BMPR1A: variants seen among roughly 807,000 people sequenced by gnomAD.
BMPR1A encodes the protein bone morphogenetic protein receptor type 1A, also known as bone morphogenetic protein receptor type-1A.
Under a neutral mutation model 66.0 loss-of-function variants are expected in BMPR1A, and 7 were observed. The ratio of observed to expected loss-of-function variants is 0.11; its 90% CI spans 0.06 to 0.20. The LOEUF is 0.20. Among genes scored for constraint, BMPR1A ranks in the 10% least tolerant of loss-of-function variants. The pLI, the probability that BMPR1A is intolerant of heterozygous loss-of-function variation, is 1.00. For missense variants in BMPR1A, 408 were observed against 669.1 expected, an observed-to-expected ratio of 0.61 and a Z score of 4.31; for synonymous variants, 200 against 229.7, an observed-to-expected ratio of 0.87 and a Z score of 1.17.
chr10:86,756,024 A>G (rs1847852444), upstream of BMPR1A: 1 of 152,314 alleles, frequency 6.6e-6, no homozygotes, highest in African/African-American at 2.4e-5. Flanking sequence ...AACTACCACG[A>G]CCTGGCCATC....
intron 1 of BMPR1A, among the ~76,000 whole-genome samples, chr10:86,821,424 C>T (rs1275780739): frequency 2.6e-5 from 4 of 152,018 alleles, no homozygotes; most frequent in African/African-American, 7.3e-5. Flanking sequence ...CTTGTTCTGC[C>T]GTCATTAAGC....
chr10:86,822,337 T>A (rs1445211207), intron 1 of BMPR1A, among the ~76,000 whole-genome samples: 1 of 152,224 alleles, frequency 6.6e-6, no homozygotes, highest in Non-Finnish European at 1.5e-5. Flanking sequence ...CTATTTTTTG[T>A]TAATGGTTTG....
chr10:86,782,729 GT>G lies in BMPR1A; in HGVS notation c.-268+25820del, dbSNP rs766352068. Among the ~76,000 whole-genome samples, 52 of 148,232 alleles carry G rather than the reference GT, an allele frequency of 3.5e-4. 1 individual carries two copies. In the East Asian group the frequency reaches 7.5e-3, roughly 21 times the overall value. Reference sequence around the variant, plus strand: ...TTTGTTTTGTTACTGAGTTGTAGGAGTTTTTTTTTTATTCTGGATATTAAAC... The same window carrying G: ...TTTGTTTTGTTACTGAGTTGTAGGAGTTTTTTTTTATTCTGGATATTAAAC... On this transcript the variant is annotated intron_variant, in intron 1 of 12. Coordinates refer to ENST00000372037, the MANE Select transcript of BMPR1A (RefSeq NM_004329.3).
chr10:86,832,531 A>T (rs1339891477), intron 1 of BMPR1A, among the ~76,000 whole-genome samples: 1 of 152,126 alleles, frequency 6.6e-6, no homozygotes, highest in East Asian at 1.9e-4. Context: ...AACTTTAGTA[A>T]ATTTTTGTGC....
chr10:86,898,803 T>C (rs1843266635), intron 5 of BMPR1A, among the ~76,000 whole-genome samples: 1 of 152,216 alleles, frequency 6.6e-6, no homozygotes, highest in Admixed American at 6.5e-5. Context: ...TCCTCCTCCA[T>C]GTGTTTTCTC....
At chr10:86,799,521 TTTTCTTTTC>T (rs1256015721) in intron 1 of BMPR1A, among the ~76,000 whole-genome samples, 4 of 140,942 alleles carry the variant, frequency 2.8e-5, no homozygotes, top group South Asian at 2.2e-4. Context: ...TTTTCTTTTC[TTTTCTTTTC>T]TTTCTTTTCT....
chr10:86,923,597 C>G lies in BMPR1A; in HGVS notation c.1477C>G (p.Leu493Val), dbSNP rs2133623926. 6.2e-7 allele frequency: 1 copy of G among 1,614,184 alleles called. No homozygotes were observed. Among genetic ancestry groups the G allele is most frequent in the Non-Finnish European group, 8.5e-7 (1 of 1,180,042 alleles). The change falls in exon 13 of 13, where the codon CTA becomes GTA. Residue 493 changes from leucine to valine, a missense_variant. Around this residue, in one of 5 missense-constraint regions of BMPR1A, gnomAD observed 130 missense variants for 257.3 expected, o/e 0.51. Coordinates refer to ENST00000372037, the MANE Select transcript of BMPR1A (RefSeq NM_004329.3). ...TGAACATCTCTTTACTTTTCAGTGT[C>G]TACGAGCAGTTTTGAAGCTAATGTC... ...VSNRWNSDEC[L>V]RAVLKLMSEC...
chr10:86,916,992 CA>C lies in BMPR1A; in HGVS notation c.676-130del, dbSNP rs112738256. 48,019 of 632,230 alleles carry C rather than the reference CA, an allele frequency of 0.076. 25 individuals carry two copies. The highest frequency in any genetic ancestry group is 0.092 in the South Asian group (3,607 of 39,252). 39.2% of individuals were successfully genotyped at this position (632,230 alleles called of 1,614,324 possible). On this transcript the variant is annotated intron_variant, in intron 8 of 12. Coordinates refer to ENST00000372037, the MANE Select transcript of BMPR1A (RefSeq NM_004329.3). Reference sequence around the variant, plus strand: ...TGGGTGACAGAGCGAGACTCCATCTCAAAAAAAAAAAAGTACATTATAAGTT... The same window carrying C: ...TGGGTGACAGAGCGAGACTCCATCTCAAAAAAAAAAAGTACATTATAAGTT...
At chr10:86,809,613 C>CTTTTTT (rs1564691704) in intron 1 of BMPR1A, among the ~76,000 whole-genome samples, 1 of 106,684 alleles carries the variant, frequency 9.4e-6, no homozygotes, top group African/African-American at 3.5e-5. Context: ...TTTTTTTTTT[C>CTTTTTT]TCTTTTTTCT....
intron 1 of BMPR1A, among the ~76,000 whole-genome samples, chr10:86,803,069 GAA>G (rs1176570351): frequency 6.7e-6 from 1 of 150,372 alleles, no homozygotes; most frequent in Non-Finnish European, 1.5e-5. Flanking sequence ...TCCATTCTAG[GAA>G]AAGTCAGTTG....
chr10:86,803,416 T>C (rs1380268063), intron 1 of BMPR1A, among the ~76,000 whole-genome samples: 2 of 152,208 alleles, frequency 1.3e-5, no homozygotes, highest in South Asian at 2.1e-4. Context: ...CATTTTTCTT[T>C]ATGGTTTTTA....
chr10:86,919,347 A>T lies in BMPR1A; in HGVS notation c.1044A>T (p.Glu348Asp), dbSNP rs781082609. Residue 348 changes from glutamate (E) to aspartate (D), a missense_variant, in exon 10 of 13, where the codon GAA becomes GAT. Around this residue, in one of 5 missense-constraint regions of BMPR1A, gnomAD observed 130 missense variants for 257.3 expected, o/e 0.51. Coordinates refer to ENST00000372037, the MANE Select transcript of BMPR1A (RefSeq NM_004329.3). Reference protein sequence around the residue: ...AACGLCHLHTEIYGTQGKPAI... With the variant: ...AACGLCHLHTDIYGTQGKPAI... ...GTGGTCTGTGCCACCTGCACACAGAAATTTATGGCACCCAAGGAAAGCCCG... is the reference window on the plus strand; with the variant it reads ...GTGGTCTGTGCCACCTGCACACAGATATTTATGGCACCCAAGGAAAGCCCG... The T allele has an allele frequency of 6.2e-7, 1 of 1,613,426 alleles. No homozygotes were observed.
At chr10:86,855,420 C>T in intron 2 of BMPR1A, 1 of 712,394 alleles carries the variant, frequency 1.4e-6, no homozygotes, top group Non-Finnish European at 2.4e-6. Flanking sequence ...TGTTAAAATG[C>T]TCCATACTTT....
intron 1 of BMPR1A, among the ~76,000 whole-genome samples, chr10:86,767,787 T>C (rs1256469921): frequency 6.6e-6 from 1 of 152,172 alleles, no homozygotes; most frequent in Non-Finnish European, 1.5e-5. Context: ...AACTCAATTG[T>C]CATAACTTCC....
intron 2 of BMPR1A, among the ~76,000 whole-genome samples, chr10:86,872,500 A>T (rs1251269645): frequency 6.6e-6 from 1 of 152,138 alleles, no homozygotes; most frequent in East Asian, 1.9e-4. Context: ...TCATCTGTAA[A>T]ATTAAAATAA....
intron 5 of BMPR1A, among the ~76,000 whole-genome samples, chr10:86,893,257 G>C (rs1466033357): frequency 6.6e-6 from 1 of 152,206 alleles, no homozygotes; most frequent in South Asian, 2.1e-4. Context: ...AAATGTTAAG[G>C]CCTTGTAAGG....
In BMPR1A at chr10:86,923,521, G is replaced by A. The variant is rs1564725733; in HGVS notation, c.1473+15G>A. On this transcript the variant is annotated intron_variant, in intron 12 of 12. Coordinates refer to ENST00000372037, the MANE Select transcript of BMPR1A (RefSeq NM_004329.3). ...ACAGTGATGAAGTGAGTGGAACTCAGTCCCCTGAAGAAGTGATTCGTAAAT... is the reference window on the plus strand; with the variant it reads ...ACAGTGATGAAGTGAGTGGAACTCAATCCCCTGAAGAAGTGATTCGTAAAT... 1 of 1,614,200 alleles carries A rather than the reference G, an allele frequency of 6.2e-7. No individual in the cohort carries two copies. Among genetic ancestry groups the A allele is most frequent in the Non-Finnish European group, 8.5e-7 (1 of 1,180,026 alleles).
At chr10:86,888,408 C>T (rs2133385404) in intron 3 of BMPR1A, among the ~76,000 whole-genome samples, 1 of 152,234 alleles carries the variant, frequency 6.6e-6, no homozygotes, top group South Asian at 2.1e-4. Flanking sequence ...GCGGAGGTTG[C>T]AGTGAGTCGA....
chr10:86,800,371 A>G (rs1841794502), intron 1 of BMPR1A, among the ~76,000 whole-genome samples: 1 of 152,158 alleles, frequency 6.6e-6, no homozygotes, highest in Non-Finnish European at 1.5e-5. Context: ...AAAAGAGGGA[A>G]ACCTAAAATA....
Sources: gnomAD v4.1 joint callset for allele counts (sites outside exome capture counted in the v4.1 genomes callset) on GRCh38, gnomAD v4.1.1 for gene constraint, gnomAD v4.1.1 regional missense constraint, MANE v1.5 for transcripts, NCBI Gene and HGNC (gene_info 2026-07-23, HGNC 2026-07-21) for gene names.